Variants in RABGAP1L observed in about 807,000 individuals in gnomAD.
The protein encoded by RABGAP1L is rab GTPase-activating protein 1-like.
RABGAP1L carries 63 observed loss-of-function variants against 137.7 expected under a neutral mutation model. The ratio of observed to expected loss-of-function variants is 0.46; its 90% CI spans 0.37 to 0.56. The LOEUF (loss-of-function observed/expected upper bound fraction) is 0.56, where lower values mean the gene tolerates loss of function less well. Among genes scored for constraint, RABGAP1L ranks in the 20% least tolerant of loss-of-function variants. The pLI, the probability that RABGAP1L is intolerant of heterozygous loss-of-function variation, is 0.00. For synonymous variants in RABGAP1L, 431 were observed against 433.7 expected (o/e 0.99, Z 0.08); for missense variants, 1,095 against 1,244.0 (o/e 0.88, Z 1.80).
At chr1:174,385,672 A>G (rs901766007) in intron 12 of RABGAP1L, among the ~76,000 whole-genome samples, 4 of 152,240 alleles carry the variant, frequency 2.6e-5, no homozygotes, top group Non-Finnish European at 5.9e-5. Flanking sequence ...AAGTACAACC[A>G]GTGAGGTGGG....
intron 1 of RABGAP1L, among the ~76,000 whole-genome samples, chr1:174,160,740 A>C (rs1344311313): frequency 1.3e-5 from 2 of 152,212 alleles, no homozygotes; most frequent in East Asian, 3.8e-4. Context: ...GTTGCTTGTT[A>C]AAATTCTGAA....
At chr1:174,200,553 T>C (rs1668023573) in intron 1 of RABGAP1L, among the ~76,000 whole-genome samples, 1 of 152,198 alleles carries the variant, frequency 6.6e-6, no homozygotes, top group African/African-American at 2.4e-5. Flanking sequence ...GTTGGGGAGA[T>C]TGTTGAAACT....
intron 13 of RABGAP1L, among the ~76,000 whole-genome samples, chr1:174,634,549 C>G (rs1266910652): frequency 2.8e-5 from 4 of 143,546 alleles, no homozygotes; most frequent in East Asian, 2.1e-4. Flanking sequence ...ACCCAAATGA[C>G]TATAAATCAT....
chr1:174,310,315 T>C (rs1206514088), intron 11 of RABGAP1L, among the ~76,000 whole-genome samples: 1 of 152,190 alleles, frequency 6.6e-6, no homozygotes, highest in Non-Finnish European at 1.5e-5. Context: ...TTGAAAAAGA[T>C]ACTTGATACT....
intron 13 of RABGAP1L, among the ~76,000 whole-genome samples, chr1:174,525,337 T>G (rs925993574): frequency 6.6e-6 from 1 of 152,160 alleles, no homozygotes; most frequent in South Asian, 2.1e-4. Flanking sequence ...TTTATAGCTT[T>G]TTTTGGTAGA....
At chr1:174,548,130 T>C (rs1446785440) in intron 13 of RABGAP1L, 21 of 1,514,374 alleles carry the variant, frequency 1.4e-5, no homozygotes, top group Non-Finnish European at 1.6e-5. Context: ...AGCAACTTTA[T>C]GGATCATTTC....
intron 1 of RABGAP1L, among the ~76,000 whole-genome samples, chr1:174,176,757 T>TGTTAATA (rs1665925776): frequency 1.0e-5 from 1 of 100,414 alleles, no homozygotes; most frequent in South Asian, 3.1e-4. Context: ...GGTCAACATT[T>TGTTAATA]GTTAATACTG....
At chr1:174,899,937 G>T (rs72717648) in intron 19 of RABGAP1L, among the ~76,000 whole-genome samples, 11 of 152,052 alleles carry the variant, frequency 7.2e-5, no homozygotes, top group African/African-American at 2.2e-4. Context: ...GGAATGTTTG[G>T]GGGGGTAGAA....
chr1:174,789,521 A>G (rs1274453140), intron 18 of RABGAP1L, among the ~76,000 whole-genome samples: 1 of 152,154 alleles, frequency 6.6e-6, no homozygotes, highest in African/African-American at 2.4e-5. Context: ...AAGAATGTAT[A>G]ATAACTGAGA....
intron 13 of RABGAP1L, among the ~76,000 whole-genome samples, chr1:174,602,410 G>A (rs530550133): frequency 1.3e-5 from 2 of 152,074 alleles, no homozygotes; most frequent in East Asian, 1.9e-4. Context: ...GGGGAAACTC[G>A]TGAGACTTAT....
At chr1:174,679,348 G>A (rs1349142379) in intron 14 of RABGAP1L, among the ~76,000 whole-genome samples, 2 of 152,106 alleles carry the variant, frequency 1.3e-5, no homozygotes, top group Admixed American at 6.5e-5. Context: ...TGCAATAGAC[G>A]CATGAAAGGC....
chr1:174,395,983 A>G (rs1226680728), intron 13 of RABGAP1L, among the ~76,000 whole-genome samples: 1 of 152,170 alleles, frequency 6.6e-6, no homozygotes, highest in Non-Finnish European at 1.5e-5. Flanking sequence ...TTTAGATATG[A>G]TAACAAAACC....
intron 2 of RABGAP1L, among the ~76,000 whole-genome samples, chr1:174,219,529 G>C (rs1669596564): frequency 6.7e-6 from 1 of 149,364 alleles, no homozygotes. Flanking sequence ...AAAAAGAAGA[G>C]AAAGGATTTT....
intron 11 of RABGAP1L, among the ~76,000 whole-genome samples, chr1:174,323,865 A>G (rs1366149457): frequency 1.3e-5 from 2 of 152,174 alleles, no homozygotes; most frequent in African/African-American, 4.8e-5. Flanking sequence ...ACTCAATGTT[A>G]TTAAAGGCTT....
chr1:174,170,936 ATTTG>A (rs766223868), intron 1 of RABGAP1L, among the ~76,000 whole-genome samples: 17 of 152,212 alleles, frequency 1.1e-4, no homozygotes, highest in Non-Finnish European at 1.9e-4. Flanking sequence ...TTGTACACAT[ATTTG>A]TTTGTAATCA....
At chr1:174,986,586 A>G (rs946541102) in intron 24 of RABGAP1L, among the ~76,000 whole-genome samples, 4 of 152,218 alleles carry the variant, frequency 2.6e-5, no homozygotes, top group Admixed American at 6.5e-5. Flanking sequence ...TTATTGCTCT[A>G]TCTTTGACAT....
At chr1:174,186,837 T>C (rs1038722042) in intron 1 of RABGAP1L, among the ~76,000 whole-genome samples, 1 of 152,248 alleles carries the variant, frequency 6.6e-6, no homozygotes, top group Non-Finnish European at 1.5e-5. Context: ...GATTTTGATG[T>C]TGGGCCAAGG....
intron 18 of RABGAP1L, among the ~76,000 whole-genome samples, chr1:174,795,919 A>T (rs1199050004): frequency 6.6e-6 from 1 of 152,116 alleles, no homozygotes; most frequent in Non-Finnish European, 1.5e-5. Context: ...GTCATTACTG[A>T]GTTTCTCCCA....
chr1:174,306,572 T>A (rs1288828209), intron 11 of RABGAP1L, among the ~76,000 whole-genome samples: 1 of 152,210 alleles, frequency 6.6e-6, no homozygotes, highest in African/African-American at 2.4e-5. Context: ...TCTTGAAGTA[T>A]CTTATGAGAA....
Sources: gnomAD v4.1 joint callset for allele counts (sites outside exome capture counted in the v4.1 genomes callset) on GRCh38, gnomAD v4.1.1 for gene constraint, MANE v1.5 for transcripts, NCBI Gene and HGNC (gene_info 2026-07-23, HGNC 2026-07-21) for gene names.